POLA1: variants seen among roughly 807,000 people sequenced by gnomAD.
POLA1 encodes DNA polymerase alpha 1, catalytic subunit.
Under a neutral mutation model 124.0 loss-of-function variants are expected in POLA1, and 15 were observed. The ratio of observed to expected loss-of-function variants is 0.12; its 90% CI spans 0.08 to 0.19. The LOEUF (loss-of-function observed/expected upper bound fraction) is 0.19, where lower values mean the gene tolerates loss of function less well. Among genes scored for constraint, POLA1 ranks in the 10% least tolerant of loss-of-function variants. The pLI is 1.00. For missense variants in POLA1, 886 were observed against 1,103.4 expected, an observed-to-expected ratio of 0.80 and a Z score of 2.79; for synonymous variants, 408 against 389.4, an observed-to-expected ratio of 1.05 and a Z score of -0.56.
intron 26 of POLA1, among the ~76,000 whole-genome samples, chrX:24,780,071 A>G (rs780423803): frequency 9.0e-6 from 1 of 111,649 alleles, no homozygotes; most frequent in East Asian, 2.8e-4. Flanking sequence ...GATCCTTTTA[A>G]TGTGCTGTTG....
chrX:24,864,245 G>C (rs1411666598), intron 34 of POLA1, among the ~76,000 whole-genome samples: 3 of 111,388 alleles, frequency 2.7e-5, no homozygotes, highest in Non-Finnish European at 5.7e-5. Flanking sequence ...GCCTCCCAAA[G>C]TACTAGGATT....
At chrX:24,983,069 T>G (rs2048440210) in intron 36 of POLA1, among the ~76,000 whole-genome samples, 1 of 112,155 alleles carries the variant, frequency 8.9e-6, no homozygotes, top group Admixed American at 9.5e-5. Context: ...CTAAAGAGTA[T>G]GTGTTCATTT....
chrX:24,822,511 G>A (rs999054861), intron 31 of POLA1, among the ~76,000 whole-genome samples: 2 of 112,395 alleles, frequency 1.8e-5, no homozygotes, highest in Non-Finnish European at 3.8e-5. Context: ...TTAAATCAGA[G>A]TCTTTTGAAA....
chrX:24,818,472 C>T (rs1026030905), intron 30 of POLA1, among the ~76,000 whole-genome samples: 2 of 111,271 alleles, frequency 1.8e-5, no homozygotes, highest in Non-Finnish European at 3.8e-5. Flanking sequence ...CACTCTGCTA[C>T]CCTGAGTATG....
intron 34 of POLA1, among the ~76,000 whole-genome samples, chrX:24,844,828 C>T (rs1242474132): frequency 1.8e-5 from 2 of 111,779 alleles, no homozygotes; most frequent in East Asian, 5.6e-4. Flanking sequence ...TGTGGGGTCA[C>T]ATTCCTCAGT....
chrX:24,716,277 T>G (rs1031233512), intron 6 of POLA1, 85 bp from the exon 7 acceptor site: 7 of 509,761 alleles, frequency 1.4e-5, no homozygotes, highest in African/African-American at 9.3e-5. Flanking sequence ...CTTTGCTTAT[T>G]GGGCTTCAAT....
At chrX:24,754,395 T>C (rs191981611) in intron 26 of POLA1, among the ~76,000 whole-genome samples, 86 of 108,983 alleles carry the variant, frequency 7.9e-4, no homozygotes, top group Admixed American at 7.2e-3. Context: ...GTAGCTGGGA[T>C]TACAGGCACG....
intron 26 of POLA1, among the ~76,000 whole-genome samples, chrX:24,798,734 A>C (rs1018775263): frequency 5.4e-5 from 6 of 111,212 alleles, no homozygotes; most frequent in Admixed American, 4.8e-4. Context: ...AAAGTTATAC[A>C]TGGATTTTTG....
chrX:24,748,804 C>T (rs1455121122), intron 25 of POLA1, 66 bp from the exon 26 acceptor site: 2 of 1,098,554 alleles, frequency 1.8e-6, no homozygotes, highest in African/African-American at 3.6e-5. Context: ...TCTAGAAAGA[C>T]ATCTAATGTA....
At chrX:24,848,817 C>T (rs1224553444) in intron 34 of POLA1, among the ~76,000 whole-genome samples, 1 of 112,247 alleles carries the variant, frequency 8.9e-6, no homozygotes, top group Non-Finnish European at 1.9e-5. Context: ...TCCCTCCTGC[C>T]CACACCCATG....
At chrX:24,778,094 T>C (rs1001690048) in intron 26 of POLA1, among the ~76,000 whole-genome samples, 1 of 112,369 alleles carries the variant, frequency 8.9e-6, no homozygotes, top group East Asian at 2.8e-4. Context: ...ACTAAAGATG[T>C]TCTAGTTGGT....
At chrX:24,888,600 GTTTTTTTTTTTT>G (rs869301308) in intron 35 of POLA1, among the ~76,000 whole-genome samples, 9 of 49,169 alleles carry the variant, frequency 1.8e-4, no homozygotes, top group East Asian at 8.1e-4. Context: ...TTGTTTGCTT[GTTTTTTTTTTTT>G]TTTTTTTTTT....
chrX:24,843,400 A>G (rs760016064), intron 33 of POLA1, 146 bp from the exon 34 acceptor site: 1 of 381,923 alleles, frequency 2.6e-6, no homozygotes, highest in Non-Finnish European at 4.5e-6. Context: ...CTTTGGGAGG[A>G]AAATAATTGA....
chrX:24,810,068 A>T (rs2045872918), intron 27 of POLA1, 138 bp downstream of exon 27: 5 of 424,843 alleles, frequency 1.2e-5, no homozygotes, highest in Middle Eastern at 7.7e-4. Context: ...ATCCTTCCTA[A>T]TGGATTACAG....
At chrX:24,724,952 C>T (rs1422586616) in intron 12 of POLA1, among the ~76,000 whole-genome samples, 1 of 111,480 alleles carries the variant, frequency 9.0e-6, no homozygotes, top group Non-Finnish European at 1.9e-5. Flanking sequence ...GGGGCTATAG[C>T]CTGCTCAAAA....
At chrX:24,727,669 C>A (rs1271041918) in intron 14 of POLA1, 113 bp from the exon 15 acceptor site, 6 of 565,158 alleles carry the variant, frequency 1.1e-5, no homozygotes, top group Non-Finnish European at 1.4e-5. Flanking sequence ...ATATGTCATT[C>A]TTATTAGAAG....
At chrX:24,961,562 C>T (rs776334215) in intron 36 of POLA1, among the ~76,000 whole-genome samples, 1 of 110,858 alleles carries the variant, frequency 9.0e-6, no homozygotes, top group South Asian at 3.9e-4. Flanking sequence ...TGATTTATTT[C>T]CTCTTCGAGT....
chrX:24,871,379 G>A (rs1185014806), intron 34 of POLA1, among the ~76,000 whole-genome samples: 2 of 111,412 alleles, frequency 1.8e-5, no homozygotes, highest in African/African-American at 6.5e-5. Context: ...CTGATCTCAG[G>A]CCCACATTTT....
intron 36 of POLA1, among the ~76,000 whole-genome samples, chrX:24,954,476 C>T (rs192859813): frequency 6.2e-5 from 7 of 112,357 alleles, no homozygotes; most frequent in Admixed American, 2.8e-4. Flanking sequence ...GCCAACCACA[C>T]TGATTACATT....
Sources: gnomAD v4.1 joint callset for allele counts (sites outside exome capture counted in the v4.1 genomes callset) on GRCh38, gnomAD v4.1.1 for gene constraint, MANE v1.5 for transcripts, NCBI Gene and HGNC (gene_info 2026-07-23, HGNC 2026-07-21) for gene names.